The following CTNNA1 variants were observed in gnomAD, a reference collection of about 807,000 sequenced individuals.
CTNNA1 encodes catenin alpha 1.
A neutral mutation model predicts 98.4 loss-of-function variants in CTNNA1; 37 were observed. That is an observed-to-expected ratio of 0.38 (90% CI 0.29 to 0.49). The LOEUF (loss-of-function observed/expected upper bound fraction) is 0.49. Among genes scored for constraint, CTNNA1 ranks in the 20% least tolerant of loss-of-function variants. The pLI is 0.95. For missense variants in CTNNA1, 761 were observed against 1,147.2 expected, an observed-to-expected ratio of 0.66 and a Z score of 4.86; for synonymous variants, 404 against 413.2, an observed-to-expected ratio of 0.98 and a Z score of 0.27.
chr5:138,864,017 C>T (rs1764517574), intron 7 of CTNNA1, among the ~76,000 whole-genome samples: 2 of 152,174 alleles, frequency 1.3e-5, no homozygotes, highest in East Asian at 3.8e-4. Context: ...GGCTGGAGTG[C>T]AGTGGCACGA....
chr5:138,875,523 C>A, intron 7 of CTNNA1: 2 of 985,492 alleles, frequency 2.0e-6, no homozygotes, highest in Non-Finnish European at 2.4e-6. Flanking sequence ...GACTTAAAAA[C>A]ATGATATTCC....
chr5:138,844,590 TAGG>T (rs1762542542), intron 7 of CTNNA1, among the ~76,000 whole-genome samples: 1 of 152,206 alleles, frequency 6.6e-6, no homozygotes, highest in Non-Finnish European at 1.5e-5. Context: ...TTAAAAGACA[TAGG>T]GAGCTTTGTT....
chr5:138,781,721 C>T (rs182525060), intron 1 of CTNNA1, among the ~76,000 whole-genome samples: 23 of 152,244 alleles, frequency 1.5e-4, no homozygotes, highest in African/African-American at 5.5e-4. Flanking sequence ...TGTAGTACCC[C>T]TCCTATTTGT....
chr5:138,879,716 CCAA>C (rs1752482871), intron 7 of CTNNA1, among the ~76,000 whole-genome samples: 1 of 152,270 alleles, frequency 6.6e-6, no homozygotes, highest in East Asian at 1.9e-4. Flanking sequence ...CCTTGGCCTC[CCAA>C]AGTTTCTGGG....
intron 7 of CTNNA1, chr5:138,869,454 G>A (rs1455098817): frequency 2.6e-5 from 4 of 151,450 alleles, no homozygotes; most frequent in Non-Finnish European, 5.9e-5. Flanking sequence ...TTTTCAGATA[G>A]GTCTGTCGCT....
At chr5:138,864,516 G>A (rs546673357) in intron 7 of CTNNA1, among the ~76,000 whole-genome samples, 10 of 152,238 alleles carry the variant, frequency 6.6e-5, no homozygotes, top group Admixed American at 5.2e-4. Flanking sequence ...GACCACCAAC[G>A]AGAAGAAGGG....
rs766424839 is a variant in CTNNA1, at chr5:138,899,203, CTTTTG to C, written c.1297-5141_1297-5137del. 9.2e-5 allele frequency among the ~76,000 whole-genome samples: 14 copies of C among 151,860 alleles called. No homozygotes were observed. The East Asian group carries it at 2.5e-3, about 27-fold the overall frequency. On this transcript the variant is annotated intron_variant, in intron 9 of 17. Coordinates refer to ENST00000302763, the MANE Select transcript of CTNNA1 (RefSeq NM_001903.5). ...CCAAGACGGCTCATTTCCTTGTATA[CTTTTG>C]TTTTTGTTTTTGTTTTTTTAATTTG...
chr5:138,800,847 C>A (rs1229795635), intron 3 of CTNNA1, among the ~76,000 whole-genome samples: 1 of 152,082 alleles, frequency 6.6e-6, no homozygotes, highest in Non-Finnish European at 1.5e-5. Flanking sequence ...TGGCTCATGC[C>A]TGCAACCACA....
chr5:138,799,625 AT>A (rs11386305), intron 3 of CTNNA1, among the ~76,000 whole-genome samples: 3,991 of 141,936 alleles, frequency 0.028, 124 homozygotes, highest in African/African-American at 0.083. Context: ...TCTTAGTGTC[AT>A]TTTTTTTTTT....
chr5:138,874,407 A>T lies in CTNNA1; in HGVS notation c.1063-11805A>T. The stretch of plus-strand genomic sequence containing the variant: ...TCTGTGGCGTTTGGCACTGAGTGGA[A>T]GCCCTGAGAGTCGCAGTAGAAGAGC... On this transcript the variant is annotated intron_variant, in intron 7 of 17. Transcript: ENST00000302763. This position sits in a 1 kb window ranked among gnomAD's most constrained non-coding sequence, Gnocchi z 4.1. 6.2e-7 allele frequency: 1 copy of T among 1,613,978 alleles called. No homozygotes were observed.
At position 138,827,663 on chromosome 5, in the gene CTNNA1, A is replaced by T; in HGVS notation, c.1007A>T (p.Glu336Val). ...RDDRRERIVA[E>V]CNAVRQALQD... ...GACCGTCGTGAGCGAATTGTGGCAG[A>T]GTGTAATGCTGTCCGCCAGGCCCTG... is the stretch of plus-strand genomic sequence containing the variant. Residue 336 changes from glutamate to valine, a missense_variant, in exon 7 of 18, where the codon GAG becomes GTG. Glu to Val is a moderately radical substitution (Grantham distance 121). Transcript: ENST00000302763. 1 of 1,614,224 alleles carries T rather than the reference A, an allele frequency of 6.2e-7. No homozygotes were observed. Among genetic ancestry groups the T allele is most frequent in the Non-Finnish European group, 8.5e-7 (1 of 1,180,042 alleles).
chr5:138,786,115 CT>C (rs1479439901), intron 3 of CTNNA1, among the ~76,000 whole-genome samples: 1 of 152,128 alleles, frequency 6.6e-6, no homozygotes, highest in Non-Finnish European at 1.5e-5. Flanking sequence ...ATCATAAGGA[CT>C]TTTCTGTCCT....
chr5:138,823,967 A>G (rs1462459770), intron 5 of CTNNA1, among the ~76,000 whole-genome samples: 3 of 135,546 alleles, frequency 2.2e-5, no homozygotes, highest in Admixed American at 2.1e-4. Context: ...AAAAAAAAAA[A>G]AAAAAAAAAA....
At chr5:138,834,816 G>T (rs1324311825) in intron 7 of CTNNA1, among the ~76,000 whole-genome samples, 1 of 152,194 alleles carries the variant, frequency 6.6e-6, no homozygotes, top group Non-Finnish European at 1.5e-5. Flanking sequence ...TGCCAAACAG[G>T]CTTTTTGAGA....
chr5:138,824,779 T>C lies in CTNNA1; in HGVS notation c.838T>C (p.Tyr280His), dbSNP rs890236162. Residue 280 changes from tyrosine (Y) to histidine (H), a missense_variant, in exon 6 of 18, where the codon TAT becomes CAT. This residue lies in a region of CTNNA1 where 328 missense variants were observed against 354.3 expected (regional missense o/e 0.93). Coordinates refer to ENST00000302763, the MANE Select transcript of CTNNA1 (RefSeq NM_001903.5). ...HQGGGGGELA[Y>H]ALNNFDKQII... is the part of the protein sequence containing the mutation. ...GGGTGGAGGAGGAGGAGAACTGGCA[T>C]ATGCACTCAATAACTTTGACGTAAG... 6.8e-6 allele frequency: 11 copies of C among 1,613,984 alleles called. No homozygotes were observed. The highest frequency in any genetic ancestry group is 8.5e-6 in the Non-Finnish European group (10 of 1,179,850).
intron 2 of CTNNA1, chr5:138,782,270 CA>C: frequency 1.7e-6 from 1 of 580,172 alleles, no homozygotes; most frequent in South Asian, 1.5e-5. Context: ...TGCAACTTTG[CA>C]AATGTTTGTG....
chr5:138,815,408 T>G (rs1347651156), intron 5 of CTNNA1, among the ~76,000 whole-genome samples: 1 of 152,104 alleles, frequency 6.6e-6, no homozygotes, highest in Non-Finnish European at 1.5e-5. Context: ...GGCTCCTGCT[T>G]GGGCTTGGTG....
At chr5:138,878,831 G>A (rs970001574) in intron 7 of CTNNA1, among the ~76,000 whole-genome samples, 2 of 152,146 alleles carry the variant, frequency 1.3e-5, no homozygotes, top group African/African-American at 2.4e-5. Flanking sequence ...AATTGTGTAT[G>A]CCCTGGCACC....
chr5:138,880,962 G>A, intron 7 of CTNNA1: 2 of 440,220 alleles, frequency 4.5e-6, no homozygotes, highest in Non-Finnish European at 9.1e-6. Context: ...TTGAATATGT[G>A]ATGTTGTTAA....
Sources: allele counts gnomAD v4.1 joint callset (sites outside exome capture counted in the v4.1 genomes callset), GRCh38; gene constraint gnomAD v4.1.1; regional missense constraint gnomAD v4.1.1; non-coding constraint Gnocchi (gnomAD v3.1); transcripts MANE v1.5; gene names NCBI Gene and HGNC (gene_info 2026-07-23, HGNC 2026-07-21).